The following WWOX variants were observed in gnomAD, a reference collection of about 807,000 sequenced individuals.
WWOX encodes the protein WW domain containing oxidoreductase.
WWOX carries 69 observed loss-of-function variants against 46.2 expected under a neutral mutation model. The observed-to-expected ratio is 1.49, with a 90% confidence interval of 1.23 to 1.82. The LOEUF (loss-of-function observed/expected upper bound fraction) is 1.82, where lower values mean the gene tolerates loss of function less well. WWOX is among the 40% of genes most tolerant of loss of function. The probability of loss-of-function intolerance (pLI) is 0.00; values close to 1 mark genes in which losing one functional copy is unlikely to be tolerated. For missense variants in WWOX, 919 were observed against 542.6 expected (o/e 1.69, Z -6.89); for synonymous variants, 359 against 202.6 (o/e 1.77, Z -6.56).
chr16:78,852,046 C>G (rs1468183559), intron 8 of WWOX, among the ~76,000 whole-genome samples: 3 of 152,176 alleles, frequency 2.0e-5, no homozygotes, highest in South Asian at 2.1e-4. Flanking sequence ...GTGACTTGAA[C>G]TGGGACATGT....
At chr16:78,218,133 C>T (rs1047765635) in intron 5 of WWOX, among the ~76,000 whole-genome samples, 5 of 152,146 alleles carry the variant, frequency 3.3e-5, no homozygotes, top group African/African-American at 1.2e-4. Context: ...CAGCTCACTG[C>T]AGCCTGTAAC....
chr16:78,874,226 A>C (rs1288427360), intron 8 of WWOX, among the ~76,000 whole-genome samples: 1 of 149,458 alleles, frequency 6.7e-6, no homozygotes, highest in African/African-American at 2.5e-5. Context: ...GCTGCACTCT[A>C]GCATGGGCGA....
At chr16:79,211,078 C>T (rs1039457777) in intron 8 of WWOX, among the ~76,000 whole-genome samples, 6 of 131,680 alleles carry the variant, frequency 4.6e-5, no homozygotes, top group Non-Finnish European at 1.0e-4. Flanking sequence ...TTTAACACAA[C>T]ATTGCCAACC....
chr16:78,111,506 C>T (rs1299604833), intron 3 of WWOX, among the ~76,000 whole-genome samples: 1 of 152,150 alleles, frequency 6.6e-6, no homozygotes, highest in Non-Finnish European at 1.5e-5. Flanking sequence ...CTTGAGGGCT[C>T]CTTGGTCAAG....
intron 8 of WWOX, among the ~76,000 whole-genome samples, chr16:78,479,052 C>G (rs1406504071): frequency 6.6e-6 from 1 of 152,134 alleles, no homozygotes; most frequent in South Asian, 2.1e-4. Context: ...TCCAGGCTTC[C>G]TAAAATATAA....
At chr16:78,340,143 A>T (rs76496209) in intron 5 of WWOX, among the ~76,000 whole-genome samples, 2 of 107,848 alleles carry the variant, frequency 1.9e-5, no homozygotes, top group African/African-American at 6.4e-5. Flanking sequence ...TTTTCTGTTT[A>T]GTTTCTATCT....
chr16:78,268,228 A>G (rs547507757), intron 5 of WWOX, among the ~76,000 whole-genome samples: 11 of 152,246 alleles, frequency 7.2e-5, no homozygotes, highest in Non-Finnish European at 1.3e-4. Context: ...AAGGGAAAAT[A>G]TAGTATTCCT....
intron 8 of WWOX, among the ~76,000 whole-genome samples, chr16:78,731,850 T>TC (rs1567522124): frequency 3.7e-5 from 5 of 133,390 alleles, no homozygotes; most frequent in African/African-American, 1.8e-4. Context: ...TTTCTCTTTT[T>TC]TTTTTTTTTT....
chr16:78,228,376 C>G (rs903674641), intron 5 of WWOX, among the ~76,000 whole-genome samples: 1 of 129,130 alleles, frequency 7.7e-6, no homozygotes, highest in African/African-American at 3.0e-5. Flanking sequence ...TGGTCTCACT[C>G]TGTTACCCAG....
intron 8 of WWOX, among the ~76,000 whole-genome samples, chr16:78,927,044 C>T (rs1322514616): frequency 6.6e-6 from 1 of 152,298 alleles, no homozygotes; most frequent in African/African-American, 2.4e-5. Flanking sequence ...CATCCACCCG[C>T]CTTGGCCTCC....
chr16:78,846,882 G>C (rs949147141), intron 8 of WWOX, among the ~76,000 whole-genome samples: 2 of 152,154 alleles, frequency 1.3e-5, no homozygotes, highest in African/African-American at 2.4e-5. Flanking sequence ...CTACATGGAA[G>C]GCTGTTTCTT....
intron 8 of WWOX, among the ~76,000 whole-genome samples, chr16:78,954,169 A>G (rs994117075): frequency 3.3e-5 from 5 of 152,128 alleles, no homozygotes; most frequent in African/African-American, 1.2e-4. Context: ...ATGATTGCAT[A>G]TTCTTTAGAT....
At chr16:79,145,670 TG>T (rs1656232117) in intron 8 of WWOX, among the ~76,000 whole-genome samples, 1 of 152,222 alleles carries the variant, frequency 6.6e-6, no homozygotes, top group African/African-American at 2.4e-5. Context: ...AAATGTTCTT[TG>T]TTTTAAACTT....
intron 5 of WWOX, among the ~76,000 whole-genome samples, chr16:78,240,840 A>G (rs2037620246): frequency 6.6e-6 from 1 of 152,194 alleles, no homozygotes; most frequent in Admixed American, 6.5e-5. Context: ...TCTCATTGAG[A>G]AGCGTTGAGT....
At chr16:79,046,201 A>T (rs1209814589) in intron 8 of WWOX, among the ~76,000 whole-genome samples, 2 of 152,104 alleles carry the variant, frequency 1.3e-5, no homozygotes, top group African/African-American at 2.4e-5. Flanking sequence ...TGTTATTATT[A>T]TTGTCAGTAT....
intron 4 of WWOX, among the ~76,000 whole-genome samples, chr16:78,153,056 G>A (rs539488767): frequency 1.3e-5 from 2 of 152,188 alleles, no homozygotes; most frequent in Non-Finnish European, 2.9e-5. Flanking sequence ...GTGTAGTTTT[G>A]TAAGTTCTTA....
intron 6 of WWOX, among the ~76,000 whole-genome samples, chr16:78,397,111 G>A (rs1285977742): frequency 6.6e-6 from 1 of 152,158 alleles, no homozygotes; most frequent in African/African-American, 2.4e-5. Flanking sequence ...ATTCTTTGAA[G>A]AAACTCCCCC....
rs757195574 is a variant in WWOX at position 78,263,996 on chromosome 16, C to CTTTTTTT, written c.516+99720_516+99726dup. 8.1e-3 allele frequency among the ~76,000 whole-genome samples: 637 copies of CTTTTTTT among 78,768 alleles called. 127 individuals carry two copies. Among genetic ancestry groups the CTTTTTTT allele is most frequent in the African/African-American group, 0.026 (433 of 16,460 alleles). 51.7% of individuals were successfully genotyped at this position (78,768 alleles called of 152,430 possible). A position where few individuals can be genotyped will look rare whatever the true frequency, so the allele number is the denominator to read the frequency against. On this transcript the variant is annotated intron_variant, in intron 5 of 8. Coordinates refer to ENST00000566780, the MANE Select transcript of WWOX (RefSeq NM_016373.4). ...AGAAATATGTGTTTGGCTGTGAAAT[C>CTTTTTTT]TTTTTTTTTTTTTTTTTTTGTTTTT...
At chr16:78,221,402 A>G (rs1404065265) in intron 5 of WWOX, among the ~76,000 whole-genome samples, 2 of 152,210 alleles carry the variant, frequency 1.3e-5, no homozygotes, top group East Asian at 3.8e-4. Context: ...TTCTTGTGTT[A>G]TGTGTAAAGG....
Sources: allele counts gnomAD v4.1 joint callset (sites outside exome capture counted in the v4.1 genomes callset), GRCh38; gene constraint gnomAD v4.1.1; transcripts MANE v1.5; gene names NCBI Gene and HGNC (gene_info 2026-07-23, HGNC 2026-07-21).